Variants in ST18 observed in about 807,000 individuals in gnomAD.
ST18 encodes ST18 C2H2C-type zinc finger transcription factor.
A neutral mutation model predicts 110.0 loss-of-function variants in ST18; 50 were observed. The observed-to-expected ratio is 0.45, with a 90% confidence interval of 0.36 to 0.58. The LOEUF (loss-of-function observed/expected upper bound fraction) is 0.58. Among genes scored for constraint, ST18 ranks in the 20% least tolerant of loss-of-function variants. The pLI, the probability that ST18 is intolerant of heterozygous loss-of-function variation, is 0.00. For synonymous variants in ST18, 461 were observed against 452.4 expected (o/e 1.02, Z -0.24); for missense variants, 1,306 against 1,280.1 (o/e 1.02, Z -0.31).
rs79973227 is a variant in ST18 at position 52,170,460 on chromosome 8, A to C, written c.1069+1332T>G. Among the ~76,000 whole-genome samples the C allele has an allele frequency of 5.7e-3, 777 of 136,940 alleles. 2 individuals are homozygous for C. Among genetic ancestry groups the C allele is most frequent in the African/African-American group, 0.013 (385 of 29,354 alleles). 89.8% of individuals were successfully genotyped at this position (136,940 alleles called of 152,430 possible). ...GAGCAAAACTCAAAAATCAATAAAT[A>C]AATAAATAAATAAATAAATAAATAA... On this transcript the variant is annotated intron_variant, in intron 10 of 25. Transcript: ENST00000689386.
chr8:52,306,716 G>C (rs551877817), intron 2 of ST18, among the ~76,000 whole-genome samples: 8 of 152,194 alleles, frequency 5.3e-5, no homozygotes, highest in Non-Finnish European at 8.8e-5. Context: ...AAATAGGTCA[G>C]TGGTGGTGCA....
rs550412708 is a variant in ST18 at position 52,208,650 on chromosome 8, C to T, written c.86+3429G>A. On this transcript the variant is annotated intron_variant, in intron 8 of 25. Transcript: ENST00000689386. Reference sequence around the variant, plus strand: ...GACCATCCTGGCTAACACGGTGAAACCCCGTCTCTACTAAAAATACAAAAA... The same window carrying T: ...GACCATCCTGGCTAACACGGTGAAATCCCGTCTCTACTAAAAATACAAAAA... Among the ~76,000 whole-genome samples the T allele has an allele frequency of 1.4e-3, 206 of 152,250 alleles. 1 individual carries two copies. The highest frequency in any genetic ancestry group is 4.7e-3 in the African/African-American group (196 of 41,554).
chr8:52,347,448 G>T (rs1437975265), intron 2 of ST18, among the ~76,000 whole-genome samples: 2 of 152,076 alleles, frequency 1.3e-5, no homozygotes, highest in Non-Finnish European at 2.9e-5. Context: ...ATATGGACCA[G>T]AACAGTTCAA....
intron 23 of ST18, among the ~76,000 whole-genome samples, chr8:52,122,812 C>T (rs1398792421): frequency 7.0e-6 from 1 of 142,380 alleles, no homozygotes; most frequent in Non-Finnish European, 1.5e-5. Flanking sequence ...ATTGAGTTTA[C>T]GTACCAAAAT....
At chr8:52,273,688 T>C (rs1377488469) in intron 2 of ST18, among the ~76,000 whole-genome samples, 1 of 152,246 alleles carries the variant, frequency 6.6e-6, no homozygotes, top group African/African-American at 2.4e-5. Context: ...AGAACTAATT[T>C]AATTTTCCAT....
At chr8:52,255,316 C>A (rs1427747313) in intron 2 of ST18, among the ~76,000 whole-genome samples, 1 of 152,128 alleles carries the variant, frequency 6.6e-6, no homozygotes, top group African/African-American at 2.4e-5. Context: ...TCCAAGTGGA[C>A]ATTTGATACC....
At chr8:52,369,639 T>C (rs967422839) in intron 2 of ST18, among the ~76,000 whole-genome samples, 1 of 152,120 alleles carries the variant, frequency 6.6e-6, no homozygotes, top group African/African-American at 2.4e-5. Flanking sequence ...GCAAACAATA[T>C]GGAATTCTGT....
At chr8:52,171,467 G>A in intron 10 of ST18, 1 of 421,798 alleles carries the variant, frequency 2.4e-6, no homozygotes, top group Non-Finnish European at 4.6e-6. Flanking sequence ...TTAAGATCCA[G>A]TAAATACTGA....
chr8:52,197,602 T>C (rs745582082), intron 8 of ST18, among the ~76,000 whole-genome samples: 1 of 152,128 alleles, frequency 6.6e-6, no homozygotes, highest in Admixed American at 6.5e-5. Context: ...AGTACAGATG[T>C]CCTTCTGTTC....
At chr8:52,230,995 C>T (rs1469709371) in intron 2 of ST18, among the ~76,000 whole-genome samples, 1 of 152,092 alleles carries the variant, frequency 6.6e-6, no homozygotes, top group African/African-American at 2.4e-5. Flanking sequence ...AAAAAACAAC[C>T]TAAGAGAAAC....
At position 52,409,546 on chromosome 8, in the gene ST18, A is replaced by G. The variant is rs542917222; in HGVS notation, c.-590+2T>C. 2.6e-5 allele frequency: 4 copies of G among 152,276 alleles called. No individual in the cohort carries two copies. The highest frequency in any genetic ancestry group is 2.6e-4 in the Admixed American group (4 of 15,298). The allele number at this position is 152,276 out of a possible 1,614,324, so 9.4% of individuals were successfully genotyped here. On this transcript the variant is annotated splice_donor_variant, in intron 1 of 25. Transcript: ENST00000689386. LOFTEE classifies it low-confidence loss of function (5UTR_SPLICE). Reference sequence around the variant, plus strand: ...ACAAATGCCAAGCCAATGTGATAGCACCTTCCACAACTCTGCCAGGCACTG... The same window carrying G: ...ACAAATGCCAAGCCAATGTGATAGCGCCTTCCACAACTCTGCCAGGCACTG...
chr8:52,313,813 A>G (rs2095970049), intron 2 of ST18, among the ~76,000 whole-genome samples: 1 of 152,142 alleles, frequency 6.6e-6, no homozygotes, highest in South Asian at 2.1e-4. Flanking sequence ...CAGCAATGGG[A>G]GCTGTGGTTC....
intron 2 of ST18, among the ~76,000 whole-genome samples, chr8:52,367,239 C>CACACACACACACACAA (rs1240486771): frequency 2.0e-5 from 3 of 147,494 alleles, no homozygotes; most frequent in African/African-American, 7.6e-5. Flanking sequence ...CCCTGTCTCA[C>CACACACACACACACAA]ACACACACAC....
At chr8:52,274,357 T>G (rs2095170370) in intron 2 of ST18, among the ~76,000 whole-genome samples, 1 of 152,158 alleles carries the variant, frequency 6.6e-6, no homozygotes, top group South Asian at 2.1e-4. Context: ...TTCACACGTG[T>G]ATATACATAT....
chr8:52,194,474 T>C lies in ST18; in HGVS notation c.87-14162A>G, dbSNP rs944747141. ...TCCTTTTTATATCTCTGGTGCATAATATGAGGTCTGTGTGTTAGGAGCATG... is the reference window on the plus strand; with the variant it reads ...TCCTTTTTATATCTCTGGTGCATAACATGAGGTCTGTGTGTTAGGAGCATG... On this transcript the variant is annotated intron_variant, in intron 8 of 25. Coordinates refer to ENST00000689386, the MANE Select transcript of ST18 (RefSeq NM_001352837.2). 4 of 152,152 alleles carry C rather than the reference T, an allele frequency of 2.6e-5. No individual in the cohort carries two copies. The South Asian group carries it at 8.3e-4, about 32-fold the overall frequency. The allele number at this position is 152,152 out of a possible 1,614,324, so 9.4% of individuals were successfully genotyped here.
At chr8:52,164,219 G>C in intron 12 of ST18, 129 bp from the exon 13 acceptor site, 1 of 742,316 alleles carries the variant, frequency 1.3e-6, no homozygotes, top group Non-Finnish European at 2.3e-6. Context: ...TTAGCACCAC[G>C]CACACACTGA....
chr8:52,154,579 A>C (rs1011617319), intron 15 of ST18: 4 of 152,264 alleles, frequency 2.6e-5, no homozygotes, highest in Non-Finnish European at 4.4e-5. Flanking sequence ...CAGGAGGCCC[A>C]GCAGACCCAG....
chr8:52,131,032 G>A (rs1427237137), intron 22 of ST18, among the ~76,000 whole-genome samples: 1 of 152,152 alleles, frequency 6.6e-6, no homozygotes, highest in Non-Finnish European at 1.5e-5. Flanking sequence ...ACTGGAAAAA[G>A]TCAAGTTTTC....
At chr8:52,171,327 T>C (rs1197754409) in intron 10 of ST18, among the ~76,000 whole-genome samples, 1 of 152,182 alleles carries the variant, frequency 6.6e-6, no homozygotes, top group Non-Finnish European at 1.5e-5. Flanking sequence ...AGAAAGCCAG[T>C]GAAAGCGTAG....
Sources: gnomAD v4.1 joint callset for allele counts (sites outside exome capture counted in the v4.1 genomes callset) on GRCh38, gnomAD v4.1.1 for gene constraint, MANE v1.5 for transcripts, NCBI Gene and HGNC (gene_info 2026-07-23, HGNC 2026-07-21) for gene names.